Variants in GGACT observed in about 807,000 individuals in gnomAD.
The protein encoded by GGACT is gamma-glutamylamine cyclotransferase, also known as gamma-glutamylaminecyclotransferase.
For synonymous variants in GGACT, 118 were observed against 115.3 expected, an observed-to-expected ratio of 1.02 and a Z score of -0.15; for missense variants, 241 against 233.2, an observed-to-expected ratio of 1.03 and a Z score of -0.22.
intron 1 of GGACT, among the ~76,000 whole-genome samples, chr13:100,585,083 G>A (rs543650530): frequency 5.3e-5 from 8 of 152,288 alleles, no homozygotes; most frequent in Admixed American, 3.9e-4. Context: ...TAGTTTACAG[G>A]AAATATAGGG....
At chr13:100,550,753 A>G (rs2088655569) in intron 2 of GGACT, among the ~76,000 whole-genome samples, 1 of 152,164 alleles carries the variant, frequency 6.6e-6, no homozygotes, top group East Asian at 1.9e-4. Context: ...CCTCCCACTG[A>G]GGCGCTTTCT....
intron 2 of GGACT, chr13:100,540,284 C>CT (rs1408920070): frequency 9.4e-7 from 1 of 1,062,618 alleles, no homozygotes; most frequent in East Asian, 2.4e-5. Context: ...GTGGGCTTTT[C>CT]TTTTGGGGGA....
Position 100,532,558 on chromosome 13 carries a change from G to T in GGACT, c.34C>A (p.Arg12=), listed in dbSNP as rs1165911491. The stretch of plus-strand genomic sequence containing the variant: ...AGGACCCTGTGGTTGGGCTGACCCC[G>T]CTTCAGGGTGCCGTACACGAAGACT... ...ALVFVYGTLK[R]GQPNHRVLRD... Residue 12 remains arginine, a synonymous_variant, in exon 3 of 3, where the codon CGG becomes AGG. Coordinates refer to ENST00000683975, the MANE Select transcript of GGACT (RefSeq NM_001195087.2). 4 of 1,546,830 alleles carry T rather than the reference G, an allele frequency of 2.6e-6. No individual in the cohort carries two copies. The African/African-American group carries it at 5.5e-5, about 21-fold the overall frequency.
chr13:100,540,167 G>A (rs973045199), intron 2 of GGACT: 77 of 1,571,232 alleles, frequency 4.9e-5, no homozygotes, highest in Admixed American at 4.8e-4. Context: ...GGCACGCATC[G>A]GGCACAGTTA....
At chr13:100,588,166 G>A (rs1279387257) in intron 1 of GGACT, among the ~76,000 whole-genome samples, 4 of 152,176 alleles carry the variant, frequency 2.6e-5, no homozygotes, top group Non-Finnish European at 2.9e-5. Flanking sequence ...GGCCCACAGA[G>A]TAAAACAGCA....
intron 2 of GGACT, among the ~76,000 whole-genome samples, chr13:100,548,720 G>T (rs911783577): frequency 3.9e-5 from 6 of 152,216 alleles, no homozygotes; most frequent in African/African-American, 1.2e-4. Flanking sequence ...TTAAAAAAAT[G>T]TAAGAACCGA....
chr13:100,541,354 T>G (rs1233203821), intron 2 of GGACT, among the ~76,000 whole-genome samples: 1 of 152,238 alleles, frequency 6.6e-6, no homozygotes, highest in African/African-American at 2.4e-5. Context: ...CCTGAGCACC[T>G]GTGGGACTTT....
At chr13:100,569,383 C>T in intron 2 of GGACT, among the ~76,000 whole-genome samples, 1 of 152,254 alleles carries the variant, frequency 6.6e-6, no homozygotes, top group Non-Finnish European at 1.5e-5. Context: ...AGGCCCAACA[C>T]CACGTGTAAG....
At chr13:100,540,767 C>T (rs2088545469) in intron 2 of GGACT, among the ~76,000 whole-genome samples, 1 of 152,212 alleles carries the variant, frequency 6.6e-6, no homozygotes, top group Non-Finnish European at 1.5e-5. Flanking sequence ...GGATCACAAC[C>T]AACAGGACAC....
At chr13:100,588,022 T>A (rs1199133535) in intron 1 of GGACT, among the ~76,000 whole-genome samples, 4 of 152,152 alleles carry the variant, frequency 2.6e-5, no homozygotes, top group African/African-American at 7.2e-5. Flanking sequence ...CAAGACTTCA[T>A]CCCAAACAAT....
At position 100,532,457 on chromosome 13, in the gene GGACT, C is replaced by A. The variant is rs922694302; in HGVS notation, c.135G>T (p.Ala45=). Residue 45 remains alanine (A), a synonymous_variant, in exon 3 of 3, where the codon GCG becomes GCT. Transcript: ENST00000683975. ...GCAGCCACGGGATGTTGTGCTCCCC[C>A]GCGATCACCAACGGGTAGGGCTCCA... ...RTLEPYPLVI[A]GEHNIPWLLH... The A allele has an allele frequency of 6.5e-7, 1 of 1,549,754 alleles. No individual in the cohort carries two copies. The highest frequency in any genetic ancestry group is 1.4e-5 in the African/African-American group (1 of 73,168).
intron 2 of GGACT, among the ~76,000 whole-genome samples, chr13:100,565,145 G>A (rs762515330): frequency 2.0e-5 from 3 of 152,142 alleles, no homozygotes; most frequent in East Asian, 1.9e-4. Flanking sequence ...TTCACGGTTC[G>A]TCTTGTTTAG....
At position 100,534,992 on chromosome 13, in the gene GGACT, G is replaced by C. The variant is rs538315527; in HGVS notation, c.-10-2391C>G. 6.6e-6 allele frequency among the ~76,000 whole-genome samples: 1 copy of C among 152,238 alleles called. No individual in the cohort carries two copies. The highest frequency in any genetic ancestry group is 1.5e-5 in the Non-Finnish European group (1 of 68,044). On this transcript the variant is annotated intron_variant, in intron 2 of 2. Transcript: ENST00000683975. The surrounding 1 kb of genome is among the most constrained non-coding windows in gnomAD (Gnocchi z 4.9). ...CTGTCTGGTTGTCGTTATAGCACACGTGCTCTCTAAATCACTGGTCTTGTT... is the reference window on the plus strand; with the variant it reads ...CTGTCTGGTTGTCGTTATAGCACACCTGCTCTCTAAATCACTGGTCTTGTT...
At chr13:100,544,597 G>A (rs1290257299) in intron 2 of GGACT, among the ~76,000 whole-genome samples, 2 of 152,188 alleles carry the variant, frequency 1.3e-5, no homozygotes, top group African/African-American at 2.4e-5. Flanking sequence ...TTCACAGTTC[G>A]CTCAAGACAC....
At chr13:100,552,771 C>G (rs2088676393) in intron 2 of GGACT, among the ~76,000 whole-genome samples, 2 of 152,122 alleles carry the variant, frequency 1.3e-5, no homozygotes, top group Non-Finnish European at 2.9e-5. Flanking sequence ...GGCCAGGCAT[C>G]CAAAGACAGA....
At chr13:100,537,984 G>C (rs2088513543) in intron 2 of GGACT, 1 of 152,262 alleles carries the variant, frequency 6.6e-6, no homozygotes, top group Admixed American at 6.5e-5. Context: ...TTCTGAAGAA[G>C]GCTAATTCCC....
At chr13:100,578,051 G>C (rs1875305341) in intron 2 of GGACT, among the ~76,000 whole-genome samples, 1 of 152,156 alleles carries the variant, frequency 6.6e-6, no homozygotes, top group Non-Finnish European at 1.5e-5. Context: ...GGAAATGGAT[G>C]TTTTCTAAGA....
intron 2 of GGACT, among the ~76,000 whole-genome samples, chr13:100,564,688 C>T (rs1291002461): frequency 1.3e-5 from 2 of 152,114 alleles, no homozygotes; most frequent in Non-Finnish European, 2.9e-5. Flanking sequence ...GATTCAAGGT[C>T]GACCGAAGTA....
At chr13:100,543,545 G>A (rs1349288187) in intron 2 of GGACT, among the ~76,000 whole-genome samples, 1 of 152,090 alleles carries the variant, frequency 6.6e-6, no homozygotes, top group Non-Finnish European at 1.5e-5. Context: ...TATAAATGGT[G>A]CCTCAAGAAA....
Sources: allele counts gnomAD v4.1 joint callset (sites outside exome capture counted in the v4.1 genomes callset), GRCh38; gene constraint gnomAD v4.1.1; non-coding constraint Gnocchi (gnomAD v3.1); transcripts MANE v1.5; gene names NCBI Gene and HGNC (gene_info 2026-07-23, HGNC 2026-07-21).